Variants in DNM2 observed in about 807,000 individuals in gnomAD.
DNM2 encodes dynamin 2.
A neutral mutation model predicts 99.0 loss-of-function variants in DNM2; 15 were observed. That is an observed-to-expected ratio of 0.15 (90% CI 0.10 to 0.23). The LOEUF is 0.23. DNM2 is among the 10% of genes least tolerant of loss of function. The pLI, the probability that DNM2 is intolerant of heterozygous loss-of-function variation, is 1.00. For synonymous variants in DNM2, 525 were observed against 481.2 expected (o/e 1.09, Z -1.19); for missense variants, 742 against 1,189.4 (o/e 0.62, Z 5.53).
Position 10,718,295 on chromosome 19 carries a change from A to T in DNM2, c.53A>T (p.Asp18Val). ...ELIPLVNKLQ[D>V]AFSSIGQSCH... ...ATCCCGCTGGTCAACAAACTGCAGG[A>T]CGCCTTCAGCTCCATCGGCCAGAGC... The change falls in exon 1 of 21, where the codon GAC becomes GTC. Residue 18 changes from aspartate to valine, a missense_variant. Asp to Val is a radical substitution (Grantham distance 152). Coordinates refer to ENST00000389253, the MANE Select transcript of DNM2 (RefSeq NM_001005361.3). The T allele has an allele frequency of 2.0e-6, 3 of 1,504,546 alleles. No homozygotes were observed. The highest frequency in any genetic ancestry group is 2.7e-6 in the Non-Finnish European group (3 of 1,126,798). The allele number at this position is 1,504,546 out of a possible 1,614,324, so 93.2% of individuals were successfully genotyped here.
chr19:10,800,218 C>G (rs139927369), intron 11 of DNM2, among the ~76,000 whole-genome samples: 1 of 152,258 alleles, frequency 6.6e-6, no homozygotes, highest in African/African-American at 2.4e-5. Flanking sequence ...TTTGTTGAAA[C>G]CAGAGCTTAA....
chr19:10,794,788 TG>T (rs2071878452), intron 8 of DNM2, among the ~76,000 whole-genome samples: 1 of 151,978 alleles, frequency 6.6e-6, no homozygotes, highest in Non-Finnish European at 1.5e-5. Flanking sequence ...AAGAAAAAGC[TG>T]GGTGTGGTGG....
In DNM2 at chr19:10,812,787, AAAAT is replaced by A. The variant is rs1243285752; in HGVS notation, c.1671+414_1671+417del. 6.6e-6 allele frequency among the ~76,000 whole-genome samples: 1 copy of A among 152,178 alleles called. No homozygotes were observed. Among genetic ancestry groups the A allele is most frequent in the East Asian group, 1.9e-4 (1 of 5,194 alleles). ...GGGCGAGAGAGCGAGACTCCATCTC[AAAAT>A]AAACAAACAAACAAACAAAAAACAA... On this transcript the variant is annotated intron_variant, in intron 15 of 20. Coordinates refer to ENST00000389253, the MANE Select transcript of DNM2 (RefSeq NM_001005361.3). The surrounding 1 kb of genome is among the most constrained non-coding windows in gnomAD (Gnocchi z 4.0).
chr19:10,823,108 A>T (rs2073033005), intron 16 of DNM2: 1 of 149,600 alleles, frequency 6.7e-6, no homozygotes. Flanking sequence ...CTGTCTCAAA[A>T]ACAAAACAAA....
chr19:10,755,009 C>T (rs1365666127), intron 1 of DNM2: 1 of 152,246 alleles, frequency 6.6e-6, no homozygotes, highest in Admixed American at 6.5e-5. Context: ...CGAAAGGGAA[C>T]CACTGCCCTG....
intron 6 of DNM2, among the ~76,000 whole-genome samples, chr19:10,784,244 A>T (rs182999307): frequency 1.2e-4 from 18 of 152,090 alleles, no homozygotes; most frequent in African/African-American, 4.3e-4. Context: ...GCATAATTCT[A>T]ATGGGGGAGA....
At chr19:10,805,541 AG>A (rs1169652828) in intron 12 of DNM2, among the ~76,000 whole-genome samples, 1 of 152,172 alleles carries the variant, frequency 6.6e-6, no homozygotes, top group Admixed American at 6.5e-5. Context: ...AGACTGAGGC[AG>A]GGGAACTACT....
At chr19:10,758,267 CTCCT>C (rs1568282715) in intron 1 of DNM2, among the ~76,000 whole-genome samples, 4 of 132,696 alleles carry the variant, frequency 3.0e-5, no homozygotes, top group Non-Finnish European at 3.3e-5. Flanking sequence ...CCTTCCTTCC[CTCCT>C]TCCTTCCCTC....
At chr19:10,774,920 C>G (rs530154393) in intron 3 of DNM2, among the ~76,000 whole-genome samples, 4 of 151,728 alleles carry the variant, frequency 2.6e-5, no homozygotes, top group East Asian at 3.9e-4. Flanking sequence ...CAGATGCACA[C>G]CATCATGCCA....
intron 18 of DNM2, among the ~76,000 whole-genome samples, chr19:10,827,404 AT>A (rs2073176402): frequency 6.6e-6 from 1 of 152,078 alleles, no homozygotes; most frequent in African/African-American, 2.4e-5. Flanking sequence ...ATAGACTCTT[AT>A]AAAATAAAAA....
chr19:10,742,181 C>T (rs73007533), intron 1 of DNM2, among the ~76,000 whole-genome samples: 11 of 152,118 alleles, frequency 7.2e-5, no homozygotes, highest in African/African-American at 1.9e-4. Context: ...CTTGGGGGTC[C>T]GCAGGCTTGT....
intron 5 of DNM2, among the ~76,000 whole-genome samples, chr19:10,782,508 G>A (rs1055760134): frequency 7.2e-5 from 11 of 151,932 alleles, no homozygotes; most frequent in Non-Finnish European, 1.6e-4. Context: ...ATAGTCACGC[G>A]CCACCATGCA....
At chr19:10,733,744 C>T (rs1398762036) in intron 1 of DNM2, among the ~76,000 whole-genome samples, 2 of 151,966 alleles carry the variant, frequency 1.3e-5, no homozygotes, top group African/African-American at 4.8e-5. Context: ...TGGTGGCTCA[C>T]GCCTGTAATC....
rs2069930617 is a variant in DNM2, at chr19:10,745,444, G to T, written c.162-14294G>T. Among the ~76,000 whole-genome samples, 3 of 152,216 alleles carry T rather than the reference G, an allele frequency of 2.0e-5. No homozygotes were observed. In the South Asian group the frequency reaches 6.2e-4, roughly 32 times the overall value. ...TTCTAGTTGGGACTGTTAGATAAAT[G>T]AGCAATTAGGCTGGGCACGCTTGAA... On this transcript the variant is annotated intron_variant, in intron 1 of 20. Coordinates refer to ENST00000389253, the MANE Select transcript of DNM2 (RefSeq NM_001005361.3).
At chr19:10,806,068 A>G in intron 13 of DNM2, 101 bp downstream of exon 13, 1 of 1,451,082 alleles carries the variant, frequency 6.9e-7, no homozygotes. Flanking sequence ...GTAAAGCCCC[A>G]CCCCACAGCC....
rs80083527 is a variant in DNM2 at position 10,761,525 on chromosome 19, C to G, written c.235+1714C>G. On this transcript the variant is annotated intron_variant, in intron 2 of 20. Transcript: ENST00000389253. ...GGGAGAGGTAAGGGTCTCCGTGCCCCTTCCCTGCTAATCTGCAACATCAGC... is the reference window on the plus strand; with the variant it reads ...GGGAGAGGTAAGGGTCTCCGTGCCCGTTCCCTGCTAATCTGCAACATCAGC... Among the ~76,000 whole-genome samples the G allele has an allele frequency of 7.7e-3, 1,170 of 152,252 alleles. 18 individuals are homozygous for G. The highest frequency in any genetic ancestry group is 0.027 in the African/African-American group (1,122 of 41,562).
intron 1 of DNM2, among the ~76,000 whole-genome samples, chr19:10,759,090 G>C (rs986436074): frequency 4.6e-5 from 7 of 151,982 alleles, no homozygotes; most frequent in Admixed American, 2.6e-4. Context: ...CACAGGCGTG[G>C]GCCACCACGC....
At chr19:10,727,581 G>A (rs1352903088) in intron 1 of DNM2, among the ~76,000 whole-genome samples, 1 of 151,764 alleles carries the variant, frequency 6.6e-6, no homozygotes, top group Admixed American at 6.6e-5. Flanking sequence ...TTTTGCCCAG[G>A]CTAGTCTCAA....
chr19:10,746,306 A>AGGGG (rs2069966827), intron 1 of DNM2, among the ~76,000 whole-genome samples: 1 of 64,528 alleles, frequency 1.5e-5, no homozygotes, highest in Non-Finnish European at 3.2e-5. Flanking sequence ...GCAGGGAGTG[A>AGGGG]GGGGGTGGTG....
Sources: allele counts gnomAD v4.1 joint callset (sites outside exome capture counted in the v4.1 genomes callset), GRCh38; gene constraint gnomAD v4.1.1; non-coding constraint Gnocchi (gnomAD v3.1); transcripts MANE v1.5; gene names NCBI Gene and HGNC (gene_info 2026-07-23, HGNC 2026-07-21).